Variants in UMODL1 observed in about 807,000 individuals in gnomAD.
UMODL1 encodes uromodulin-like 1.
Under a neutral mutation model 136.3 loss-of-function variants are expected in UMODL1, and 128 were observed. The ratio of observed to expected loss-of-function variants is 0.94; its 90% CI spans 0.81 to 1.09. UMODL1 has a LOEUF of 1.09. Among genes scored for constraint, UMODL1 ranks in the 50% least tolerant of loss-of-function variants. UMODL1 has a pLI of 0.00. For synonymous variants in UMODL1, 721 were observed against 720.0 expected (o/e 1.00, Z -0.02); for missense variants, 1,766 against 1,725.6 (o/e 1.02, Z -0.41).
intron 6 of UMODL1, among the ~76,000 whole-genome samples, chr21:42,094,819 A>G (rs1433887984): frequency 7.2e-6 from 1 of 137,998 alleles, no homozygotes; most frequent in East Asian, 2.2e-4. Flanking sequence ...CCACGGGAAC[A>G]GCTGCCGTGA....
intron 1 of UMODL1, among the ~76,000 whole-genome samples, chr21:42,073,141 G>T (rs984945894): frequency 2.2e-4 from 33 of 152,214 alleles, no homozygotes; most frequent in African/African-American, 7.5e-4. Flanking sequence ...ACCAGGAGCT[G>T]TAAGTGTCCT....
At chr21:42,126,218 C>T (rs192200118) in intron 17 of UMODL1, 127 bp from the exon 18 acceptor site, 7 of 1,375,530 alleles carry the variant, frequency 5.1e-6, no homozygotes, top group African/African-American at 1.4e-5. Flanking sequence ...GCCAGGATCT[C>T]GATGCTGCTG....
chr21:42,126,411 C>T lies in UMODL1; in HGVS notation c.3214C>T (p.His1072Tyr). Reference sequence around the variant, plus strand: ...CCTGTCCCAGGAGGGCATCATCCACCACCTGAAGATCCTGAGCCCCATCTA... The same window carrying T: ...CCTGTCCCAGGAGGGCATCATCCACTACCTGAAGATCCTGAGCCCCATCTA... ...NDLSQEGIIHHLKILSPIYCA... is the reference protein window; with the variant it reads ...NDLSQEGIIHYLKILSPIYCA... The change falls in exon 18 of 23, where the codon CAC becomes TAC. Residue 1072 changes from histidine (H) to tyrosine (Y), a missense_variant. Transcript: ENST00000408910. The T allele has an allele frequency of 6.2e-7, 1 of 1,614,212 alleles. No individual in the cohort carries two copies. Among genetic ancestry groups the T allele is most frequent in the Non-Finnish European group, 8.5e-7 (1 of 1,180,032 alleles).
intron 14 of UMODL1, among the ~76,000 whole-genome samples, chr21:42,117,427 C>T (rs1030104906): frequency 3.3e-5 from 5 of 152,228 alleles, no homozygotes; most frequent in African/African-American, 1.2e-4. Flanking sequence ...CTCTTTCCTG[C>T]ATTCCTCCCT....
In UMODL1 at chr21:42,098,952, G is replaced by A; in HGVS notation, c.958G>A (p.Val320Ile). 17 of 1,614,154 alleles carry A rather than the reference G, an allele frequency of 1.1e-5. No individual in the cohort carries two copies. The highest frequency in any genetic ancestry group is 1.4e-5 in the Non-Finnish European group (17 of 1,180,028). The part of the protein sequence containing the change: ...EDCPPVSDYV[V>I]LNVTSDSFQV... ...TTGTCCTCCAGTCAGTGACTACGTG[G>A]TCCTCAACGTCACCAGTGACAGTTT... is the stretch of plus-strand genomic sequence containing the variant. Residue 320 changes from valine (V) to isoleucine (I), a missense_variant, in exon 7 of 23, where the codon GTC becomes ATC. Transcript: ENST00000408910.
upstream of UMODL1, among the ~76,000 whole-genome samples, chr21:42,070,530 A>G (rs1018168228): frequency 2.6e-5 from 4 of 152,192 alleles, no homozygotes; most frequent in Admixed American, 2.6e-4. Context: ...ATATAACTGT[A>G]CAGAGTTGTC....
At position 42,126,384 on chromosome 21, in the gene UMODL1, G is replaced by A. The variant is rs748466227; in HGVS notation, c.3187G>A (p.Asp1063Asn). Residue 1063 changes from aspartate (D) to asparagine (N), a missense_variant, in exon 18 of 23, where the codon GAC becomes AAC. By Grantham distance (23) the Asp-to-Asn change is conservative. Coordinates refer to ENST00000408910, the MANE Select transcript of UMODL1 (RefSeq NM_001004416.3). ...CGTGGTGAGGACCACGCTGAGGAAC[G>A]ACCTGTCCCAGGAGGGCATCATCCA... ...NTVVRTTLRN[D>N]LSQEGIIHHL... 1.7e-5 allele frequency: 27 copies of A among 1,614,058 alleles called. No homozygotes were observed. Among genetic ancestry groups the A allele is most frequent in the South Asian group, 1.6e-4 (15 of 91,086 alleles).
At position 42,123,659 on chromosome 21, in the gene UMODL1, C is replaced by T. The variant is rs117312090; in HGVS notation, c.3147+509C>T. ...TGCGTGTGTGTGTGCATGTGTATCG[C>T]GTGCTTGTGTGCGTGTGGGTGTGCA... On this transcript the variant is annotated intron_variant, in intron 17 of 22. Coordinates refer to ENST00000408910, the MANE Select transcript of UMODL1 (RefSeq NM_001004416.3). The surrounding 1 kb of genome is among the most constrained non-coding windows in gnomAD (Gnocchi z 4.4). Among the ~76,000 whole-genome samples, 43 of 151,532 alleles carry T rather than the reference C, an allele frequency of 2.8e-4. No homozygotes were observed. The East Asian group carries it at 7.0e-3, about 25-fold the overall frequency.
chr21:42,140,448 C>T lies in UMODL1; in HGVS notation c.*22-1648C>T, dbSNP rs561076559. Among the ~76,000 whole-genome samples, 27 of 151,984 alleles carry T rather than the reference C, an allele frequency of 1.8e-4. 1 individual carries two copies. The South Asian group carries it at 3.7e-3, about 21-fold the overall frequency. On this transcript the variant is annotated intron_variant, in intron 22 of 22. Transcript: ENST00000408910. Reference sequence around the variant, plus strand: ...AGGAAGGGATAGGCCTCCCAGGTCACATGGCTGGGAGGTGGCCGAGCTGGG... The same window carrying T: ...AGGAAGGGATAGGCCTCCCAGGTCATATGGCTGGGAGGTGGCCGAGCTGGG...
chr21:42,109,827 G>A, intron 10 of UMODL1, 128 bp downstream of exon 10: 1 of 999,944 alleles, frequency 1.0e-6, no homozygotes, highest in Non-Finnish European at 1.4e-6. Context: ...CTACAGAAAT[G>A]TTTTCATTTC....
intron 22 of UMODL1, among the ~76,000 whole-genome samples, chr21:42,139,990 C>T (rs542634482): frequency 1.8e-4 from 27 of 152,288 alleles, no homozygotes; most frequent in Non-Finnish European, 2.6e-4. Context: ...CTTTTGGAAA[C>T]GTGTGCTGTA....
chr21:42,137,420 T>C lies in UMODL1; in HGVS notation c.3776-19T>C. 6.2e-7 allele frequency: 1 copy of C among 1,613,696 alleles called. No homozygotes were observed. Among genetic ancestry groups the C allele is most frequent in the Non-Finnish European group, 8.5e-7 (1 of 1,179,798 alleles). On this transcript the variant is annotated intron_variant, in intron 21 of 22. Coordinates refer to ENST00000408910, the MANE Select transcript of UMODL1 (RefSeq NM_001004416.3). ...CCCGTTTGTGCAGATCTCTCACCTG[T>C]GCCTGTCTCCTCCCCGAGGTGAGCC...
intron 6 of UMODL1, among the ~76,000 whole-genome samples, chr21:42,093,188 GTTTA>G (rs948778889): frequency 4.0e-5 from 6 of 151,470 alleles, no homozygotes; most frequent in Middle Eastern, 3.4e-3. Flanking sequence ...TAAGGTTCTG[GTTTA>G]TTTATTTATT....
intron 17 of UMODL1, among the ~76,000 whole-genome samples, chr21:42,125,384 G>A (rs945639540): frequency 2.6e-5 from 4 of 152,092 alleles, no homozygotes; most frequent in Non-Finnish European, 5.9e-5. Flanking sequence ...TGGACGCGTC[G>A]GAGGCCATTG....
At chr21:42,138,796 A>G (rs1486590116) in intron 22 of UMODL1, among the ~76,000 whole-genome samples, 1 of 152,168 alleles carries the variant, frequency 6.6e-6, no homozygotes, top group African/African-American at 2.4e-5. Flanking sequence ...GCTGGTCTCC[A>G]ACTCCTGACC....
intron 12 of UMODL1, 86 bp from the exon 13 acceptor site, chr21:42,113,487 G>T: frequency 2.0e-6 from 3 of 1,509,688 alleles, no homozygotes; most frequent in Non-Finnish European, 2.7e-6. Context: ...CCATGGTGAT[G>T]AATTTGATTT....
Position 42,126,389 on chromosome 21 carries a change from G to A in UMODL1, c.3192G>A (p.Leu1064=), listed in dbSNP as rs372000493. Residue 1064 remains leucine, a synonymous_variant, in exon 18 of 23, where the codon CTG becomes CTA. Coordinates refer to ENST00000408910, the MANE Select transcript of UMODL1 (RefSeq NM_001004416.3). ...TGAGGACCACGCTGAGGAACGACCT[G>A]TCCCAGGAGGGCATCATCCACCACC... ...TVVRTTLRND[L]SQEGIIHHLK... 639 of 1,614,208 alleles carry A rather than the reference G, an allele frequency of 4.0e-4. 18 individuals are homozygous for A. In the South Asian group the frequency reaches 6.6e-3, roughly 17 times the overall value.
intron 7 of UMODL1, among the ~76,000 whole-genome samples, chr21:42,100,689 A>G (rs1481379488): frequency 6.6e-6 from 1 of 151,372 alleles, no homozygotes; most frequent in South Asian, 2.1e-4. Flanking sequence ...GGGAAATGCA[A>G]TAGGAACTTG....
At chr21:42,093,802 CTCCAGGTATTAAAAATT>C in intron 6 of UMODL1, 1 of 449,222 alleles carries the variant, frequency 2.2e-6, no homozygotes, top group Non-Finnish European at 4.5e-6. Context: ...TCCCCGGGGT[CTCCAGGTATTAAAAATT>C]TCCAGCCCAG....
Sources: gnomAD v4.1 joint callset for allele counts (sites outside exome capture counted in the v4.1 genomes callset) on GRCh38, gnomAD v4.1.1 for gene constraint, Gnocchi (gnomAD v3.1) non-coding constraint, MANE v1.5 for transcripts, NCBI Gene and HGNC (gene_info 2026-07-23, HGNC 2026-07-21) for gene names.